The following PARD3 variants were observed in gnomAD, a reference collection of about 807,000 sequenced individuals.
The protein encoded by PARD3 is partitioning defective 3 homolog.
PARD3 carries 75 observed loss-of-function variants against 155.4 expected under a neutral mutation model. The ratio of observed to expected loss-of-function variants is 0.48; its 90% CI spans 0.40 to 0.58. The LOEUF (loss-of-function observed/expected upper bound fraction) is 0.58. PARD3 is among the 20% of genes least tolerant of loss of function. PARD3 has a pLI of 0.00. For synonymous variants in PARD3, 576 were observed against 610.5 expected, an observed-to-expected ratio of 0.94 and a Z score of 0.83; for missense variants, 1,642 against 1,721.7, an observed-to-expected ratio of 0.95 and a Z score of 0.82.
At chr10:34,253,943 A>G (rs1954483263) in intron 22 of PARD3, among the ~76,000 whole-genome samples, 2 of 152,078 alleles carry the variant, frequency 1.3e-5, no homozygotes, top group Non-Finnish European at 2.9e-5. Context: ...TGGGAGTGGG[A>G]GGGGGCTGGA....
intron 22 of PARD3, among the ~76,000 whole-genome samples, chr10:34,248,060 T>C (rs187850247): frequency 1.5e-4 from 23 of 152,328 alleles, no homozygotes; most frequent in Admixed American, 9.8e-4. Context: ...CTACAGTTCT[T>C]TAATGCAACA....
intron 6 of PARD3, among the ~76,000 whole-genome samples, chr10:34,400,222 T>C (rs1236368574): frequency 6.6e-6 from 1 of 152,220 alleles, no homozygotes; most frequent in Admixed American, 6.5e-5. Context: ...AGCAATCTTT[T>C]CGCCCCAGTA....
chr10:34,666,699 A>G (rs918254080), intron 2 of PARD3, among the ~76,000 whole-genome samples: 1 of 144,188 alleles, frequency 6.9e-6, no homozygotes, highest in Non-Finnish European at 1.5e-5. Context: ...TTTCAATCTG[A>G]CCTTGTTTGG....
At chr10:34,485,796 A>G (rs1391583688) in intron 3 of PARD3, among the ~76,000 whole-genome samples, 2 of 152,138 alleles carry the variant, frequency 1.3e-5, no homozygotes, top group Non-Finnish European at 2.9e-5. Context: ...ATTTCAAAAT[A>G]CATCACAGAA....
intron 1 of PARD3, among the ~76,000 whole-genome samples, chr10:34,754,446 T>G (rs1394313591): frequency 6.6e-6 from 1 of 152,234 alleles, no homozygotes; most frequent in African/African-American, 2.4e-5. Flanking sequence ...GTCCTGTACT[T>G]TCCCAAATAA....
At chr10:34,648,479 T>C (rs1374747854) in intron 2 of PARD3, among the ~76,000 whole-genome samples, 2 of 152,160 alleles carry the variant, frequency 1.3e-5, no homozygotes, top group African/African-American at 2.4e-5. Flanking sequence ...ACCAGTTTCA[T>C]GTAAGACAAT....
intron 2 of PARD3, among the ~76,000 whole-genome samples, chr10:34,566,039 C>T (rs1033531186): frequency 1.3e-5 from 2 of 152,234 alleles, no homozygotes; most frequent in Non-Finnish European, 2.9e-5. Flanking sequence ...AGTGATAACA[C>T]AGGAGGACGG....
At chr10:34,604,006 T>C (rs1448845939) in intron 2 of PARD3, among the ~76,000 whole-genome samples, 1 of 152,010 alleles carries the variant, frequency 6.6e-6, no homozygotes, top group East Asian at 1.9e-4. Flanking sequence ...ACCATCCAGT[T>C]TTCCCCCCAA....
At chr10:34,323,186 T>C (rs1311780734) in intron 19 of PARD3, among the ~76,000 whole-genome samples, 2 of 152,264 alleles carry the variant, frequency 1.3e-5, no homozygotes, top group Non-Finnish European at 2.9e-5. Flanking sequence ...CACTTTGACT[T>C]TGGAAGAGAA....
At chr10:34,736,076 G>A (rs1368688125) in intron 1 of PARD3, among the ~76,000 whole-genome samples, 2 of 152,022 alleles carry the variant, frequency 1.3e-5, no homozygotes, top group African/African-American at 4.8e-5. Context: ...CTGCCGCCCA[G>A]GCTGGAGTGC....
intron 22 of PARD3, among the ~76,000 whole-genome samples, chr10:34,183,585 C>T (rs1950358808): frequency 1.3e-5 from 2 of 152,280 alleles, no homozygotes; most frequent in South Asian, 4.1e-4. Flanking sequence ...AGTGTCATGG[C>T]CACCTGCGGA....
intron 20 of PARD3, among the ~76,000 whole-genome samples, chr10:34,292,477 T>C (rs374277789): frequency 1.3e-5 from 2 of 152,174 alleles, no homozygotes; most frequent in East Asian, 1.9e-4. Context: ...AGCATCTTGG[T>C]AATCAACAAT....
At chr10:34,756,305 C>T (rs983207485) in intron 1 of PARD3, among the ~76,000 whole-genome samples, 1 of 151,288 alleles carries the variant, frequency 6.6e-6, no homozygotes, top group Non-Finnish European at 1.5e-5. Context: ...AGGCACCCGC[C>T]ACCACACCTG....
At chr10:34,231,661 G>T (rs1564503335) in intron 22 of PARD3, among the ~76,000 whole-genome samples, 1 of 151,580 alleles carries the variant, frequency 6.6e-6, no homozygotes, top group Non-Finnish European at 1.5e-5. Context: ...CTCTCTTGAA[G>T]CTCTCTTGCT....
At chr10:34,212,026 T>G (rs1364989816) in intron 22 of PARD3, among the ~76,000 whole-genome samples, 1 of 151,692 alleles carries the variant, frequency 6.6e-6, no homozygotes, top group African/African-American at 2.4e-5. Flanking sequence ...CTCAACTTTT[T>G]TTTTTTTTTT....
intron 4 of PARD3, among the ~76,000 whole-genome samples, chr10:34,454,848 A>G (rs1214763549): frequency 2.0e-5 from 3 of 152,156 alleles, no homozygotes; most frequent in Non-Finnish European, 4.4e-5. Context: ...ATGCATATTA[A>G]TTTGCTGCTC....
At chr10:34,794,740 G>C (rs890830092) in intron 1 of PARD3, among the ~76,000 whole-genome samples, 1 of 152,196 alleles carries the variant, frequency 6.6e-6, no homozygotes, top group African/African-American at 2.4e-5. Context: ...CATGAAATAT[G>C]AACACAAACT....
intron 2 of PARD3, among the ~76,000 whole-genome samples, chr10:34,688,475 T>G (rs1474304454): frequency 6.6e-6 from 1 of 152,222 alleles, no homozygotes; most frequent in East Asian, 1.9e-4. Context: ...ACTGTTTCAG[T>G]TTTTCCTAAT....
chr10:34,162,726 G>C (rs1949345970), intron 22 of PARD3, among the ~76,000 whole-genome samples: 1 of 152,146 alleles, frequency 6.6e-6, no homozygotes, highest in Non-Finnish European at 1.5e-5. Flanking sequence ...CTGATTTTGT[G>C]AACTAAATGG....
Sources: allele counts gnomAD v4.1 joint callset (sites outside exome capture counted in the v4.1 genomes callset), GRCh38; gene constraint gnomAD v4.1.1; transcripts MANE v1.5; gene names NCBI Gene and HGNC (gene_info 2026-07-23, HGNC 2026-07-21).